RAB3GAP2: variants seen among roughly 807,000 people sequenced by gnomAD.
The protein encoded by RAB3GAP2 is RAB3 GTPase activating non-catalytic protein subunit 2.
In RAB3GAP2, 87 loss-of-function variants were observed where a neutral mutation model predicts 185.3. The observed-to-expected ratio is 0.47, with a 90% confidence interval of 0.39 to 0.56. The LOEUF is 0.56. Among genes scored for constraint, RAB3GAP2 ranks in the 20% least tolerant of loss-of-function variants. The probability of loss-of-function intolerance (pLI) is 0.00; values close to 1 mark genes in which losing one functional copy is unlikely to be tolerated. For missense variants in RAB3GAP2, 1,492 were observed against 1,638.2 expected (o/e 0.91, Z 1.54); for synonymous variants, 554 against 576.1 (o/e 0.96, Z 0.55).
chr1:220,151,314 C>A lies in RAB3GAP2; in HGVS notation c.4119G>T (p.Gly1373=). ...KVIELLPEKH[G]QYGLALHLIE... is the part of the protein sequence containing the mutation. ...TGAGGTGTAAGGCTAGACCATATTG[C>A]CCATGTTTTTCTGGTAAAAGCTCAA... The change falls in exon 35 of 35, where the codon GGG becomes GGT. Residue 1373 remains glycine (G), a synonymous_variant. Coordinates refer to ENST00000358951, the MANE Select transcript of RAB3GAP2 (RefSeq NM_012414.4). 1.2e-6 allele frequency: 2 copies of A among 1,613,974 alleles called. No individual in the cohort carries two copies. Among genetic ancestry groups the A allele is most frequent in the Non-Finnish European group, 1.7e-6 (2 of 1,179,934 alleles).
rs1450120696 is a variant in RAB3GAP2, at chr1:220,149,672, G to A, written c.*1579C>T. 6.6e-6 allele frequency: 1 copy of A among 152,214 alleles called. No individual in the cohort carries two copies. Among genetic ancestry groups the A allele is most frequent in the Admixed American group, 6.5e-5 (1 of 15,276 alleles). The allele number at this position is 152,214 out of a possible 1,614,324, so 9.4% of individuals were successfully genotyped here. On this transcript the variant is annotated 3_prime_UTR_variant, in exon 35 of 35. Coordinates refer to ENST00000358951, the MANE Select transcript of RAB3GAP2 (RefSeq NM_012414.4). ...TGGGAGGTTGGACTAGCCCTTTCCA[G>A]TGCTGCTACTCTGTAAAATGTATGT...
Position 220,193,389 on chromosome 1 carries a change from A to G in RAB3GAP2, c.1131-10T>C. 6.2e-7 allele frequency: 1 copy of G among 1,612,064 alleles called. No homozygotes were observed. The highest frequency in any genetic ancestry group is 8.5e-7 in the Non-Finnish European group (1 of 1,178,906). ...ATCTGGAAGTCCAAATCTGATATTT[A>G]AAAGAAAATAAAATGCTCAAATCAC... On this transcript the variant is annotated splice_polypyrimidine_tract_variant and intron_variant, in intron 12 of 34. Transcript: ENST00000358951.
At chr1:220,202,027 G>A (rs984782479) in intron 9 of RAB3GAP2, among the ~76,000 whole-genome samples, 1 of 151,852 alleles carries the variant, frequency 6.6e-6, no homozygotes, top group East Asian at 2.0e-4. Context: ...CAGCCAGGCG[G>A]GGTGGCGCAT....
At chr1:220,169,729 C>A (rs557554217) in intron 24 of RAB3GAP2, among the ~76,000 whole-genome samples, 1 of 152,076 alleles carries the variant, frequency 6.6e-6, no homozygotes. Context: ...TCTCATGATC[C>A]CCTTAAAATT....
chr1:220,202,918 G>A (rs1013521605), intron 8 of RAB3GAP2, among the ~76,000 whole-genome samples: 6 of 152,300 alleles, frequency 3.9e-5, no homozygotes, highest in South Asian at 2.1e-4. Context: ...ACTCCAGCCC[G>A]GGTAAGAGAG....
At chr1:220,262,373 C>T (rs886169664) in intron 1 of RAB3GAP2, among the ~76,000 whole-genome samples, 3 of 152,054 alleles carry the variant, frequency 2.0e-5, no homozygotes, top group Non-Finnish European at 4.4e-5. Flanking sequence ...TCTAAGTGGA[C>T]AGTTCAGTAG....
At chr1:220,213,051 T>C in intron 3 of RAB3GAP2, 83 bp from the exon 4 acceptor site, 3 of 981,114 alleles carry the variant, frequency 3.1e-6, no homozygotes, top group Non-Finnish European at 4.5e-6. Context: ...TCTTTCCCCT[T>C]AGAATATGAT....
At chr1:220,176,314 A>G (rs888058666) in intron 21 of RAB3GAP2, among the ~76,000 whole-genome samples, 1 of 152,220 alleles carries the variant, frequency 6.6e-6, no homozygotes, top group African/African-American at 2.4e-5. Flanking sequence ...ATGTCTAAAT[A>G]ATAGATTTTG....
intron 21 of RAB3GAP2, among the ~76,000 whole-genome samples, chr1:220,179,666 A>G (rs1043786725): frequency 5.3e-5 from 8 of 152,236 alleles, no homozygotes; most frequent in African/African-American, 1.9e-4. Context: ...AATCATGTGA[A>G]GTATTTATCT....
intron 1 of RAB3GAP2, among the ~76,000 whole-genome samples, chr1:220,249,655 G>A (rs180873631): frequency 1.3e-4 from 20 of 152,278 alleles, no homozygotes; most frequent in Admixed American, 1.2e-3. Context: ...AGATCTTCAT[G>A]GCAGCCTCTC....
intron 1 of RAB3GAP2, among the ~76,000 whole-genome samples, chr1:220,234,301 A>G (rs760989633): frequency 6.6e-6 from 1 of 152,224 alleles, no homozygotes; most frequent in Non-Finnish European, 1.5e-5. Flanking sequence ...AAAAGATGGG[A>G]CTGATCCTGA....
chr1:220,246,830 T>G, intron 1 of RAB3GAP2, among the ~76,000 whole-genome samples: 2 of 139,232 alleles, frequency 1.4e-5, no homozygotes, highest in Non-Finnish European at 1.6e-5. Context: ...AGATGACGAG[T>G]TAGTGGGTGC....
chr1:220,256,187 T>A (rs1660029116), intron 1 of RAB3GAP2, among the ~76,000 whole-genome samples: 1 of 152,172 alleles, frequency 6.6e-6, no homozygotes, highest in African/African-American at 2.4e-5. Flanking sequence ...AATAAGATCC[T>A]TTTCCGATAG....
intron 21 of RAB3GAP2, among the ~76,000 whole-genome samples, chr1:220,180,986 G>A (rs1019563783): frequency 6.6e-6 from 1 of 152,072 alleles, no homozygotes; most frequent in Non-Finnish European, 1.5e-5. Flanking sequence ...ACATGTACAG[G>A]CTTTTTTCTT....
chr1:220,167,602 A>G lies in RAB3GAP2; in HGVS notation c.2880T>C (p.Asn960=). 6.2e-7 allele frequency: 1 copy of G among 1,614,066 alleles called. No homozygotes were observed. Among genetic ancestry groups the G allele is most frequent in the Non-Finnish European group, 8.5e-7 (1 of 1,179,982 alleles). The change falls in exon 25 of 35, where the codon AAT becomes AAC. Residue 960 remains asparagine (N), a synonymous_variant. Transcript: ENST00000358951. ...DFSPEVLKLA[N]EERDAENPDE... is the part of the protein sequence containing the mutation. ...CTGGGTTTTCTGCATCTCTTTCTTC[A>G]TTAGCCAGTTTTAATACTTCAGGGC...
intron 27 of RAB3GAP2, among the ~76,000 whole-genome samples, chr1:220,162,870 A>G (rs1657987579): frequency 6.6e-6 from 1 of 152,212 alleles, no homozygotes; most frequent in Admixed American, 6.5e-5. Context: ...TTTCACATAT[A>G]ACTGCAAACT....
intron 18 of RAB3GAP2, 132 bp downstream of exon 18, chr1:220,185,519 T>G: frequency 1.5e-6 from 1 of 653,150 alleles, no homozygotes; most frequent in Non-Finnish European, 2.7e-6. Context: ...AATAAGATTC[T>G]TAATTTCTTA....
chr1:220,254,008 G>A (rs1279229013), intron 1 of RAB3GAP2: 7 of 1,613,810 alleles, frequency 4.3e-6, no homozygotes, highest in Non-Finnish European at 5.1e-6. Flanking sequence ...TGTTGAAAAT[G>A]AGGAAACATT....
intron 28 of RAB3GAP2, among the ~76,000 whole-genome samples, chr1:220,161,168 A>G (rs901658154): frequency 6.6e-6 from 1 of 152,194 alleles, no homozygotes; most frequent in African/African-American, 2.4e-5. Flanking sequence ...CCAAGAAAGA[A>G]GCTATTCAGT....
Sources: allele counts gnomAD v4.1 joint callset (sites outside exome capture counted in the v4.1 genomes callset), GRCh38; gene constraint gnomAD v4.1.1; transcripts MANE v1.5; gene names NCBI Gene and HGNC (gene_info 2026-07-23, HGNC 2026-07-21).